CSMD1: variants seen among roughly 807,000 people sequenced by gnomAD.
CSMD1 encodes CUB and sushi domain-containing protein 1.
In CSMD1, 213 loss-of-function variants were observed where a neutral mutation model predicts 417.5. The observed-to-expected ratio is 0.51, with a 90% CI of 0.46 to 0.57. The LOEUF (loss-of-function observed/expected upper bound fraction) is 0.57, where lower values mean the gene tolerates loss of function less well. CSMD1 is among the 20% of genes least tolerant of loss of function. CSMD1 has a pLI of 0.00. For synonymous variants in CSMD1, 2,862 were observed against 1,736.8 expected (o/e 1.65, Z -16.11); for missense variants, 6,923 against 4,529.7 (o/e 1.53, Z -15.17).
At chr8:3,949,459 C>T (rs1180404672) in intron 5 of CSMD1, among the ~76,000 whole-genome samples, 1 of 152,140 alleles carries the variant, frequency 6.6e-6, no homozygotes, top group Non-Finnish European at 1.5e-5. Flanking sequence ...GAAAAGGATA[C>T]ATTTTAAGCA....
At position 4,627,256 on chromosome 8, in the gene CSMD1, G is replaced by A. The variant is rs192219267; in HGVS notation, c.302+10086C>T. Among the ~76,000 whole-genome samples the A allele has an allele frequency of 5.9e-5, 9 of 152,158 alleles. 2 individuals carry two copies. Among genetic ancestry groups the A allele is most frequent in the African/African-American group, 2.2e-4 (9 of 41,522 alleles). On this transcript the variant is annotated intron_variant, in intron 2 of 69. Transcript: ENST00000635120. ...CAGTCACTTGAAATGGGCAGGATGG[G>A]GGAAAGAAGAAAAAGTAAATCTTAA...
chr8:3,684,525 C>A (rs1036337153), intron 7 of CSMD1, among the ~76,000 whole-genome samples: 1 of 150,924 alleles, frequency 6.6e-6, no homozygotes, highest in East Asian at 1.9e-4. Context: ...TTTTTACTGG[C>A]CATCTAGAAA....
chr8:4,721,888 G>C (rs981499581), intron 1 of CSMD1, among the ~76,000 whole-genome samples: 7 of 152,132 alleles, frequency 4.6e-5, no homozygotes, highest in Non-Finnish European at 1.0e-4. Context: ...GGATGAAACT[G>C]AAGGGCATTA....
intron 5 of CSMD1, among the ~76,000 whole-genome samples, chr8:3,757,300 G>A (rs1425528571): frequency 1.3e-5 from 2 of 152,164 alleles, no homozygotes; most frequent in Admixed American, 6.5e-5. Context: ...CAGGCTTTAT[G>A]GGTCACATGG....
intron 3 of CSMD1, among the ~76,000 whole-genome samples, chr8:4,139,945 G>A (rs1035554262): frequency 4.8e-5 from 7 of 146,426 alleles, no homozygotes; most frequent in Non-Finnish European, 9.1e-5. Flanking sequence ...AGTGTGGATG[G>A]CAGCAAGGGC....
intron 3 of CSMD1, among the ~76,000 whole-genome samples, chr8:4,284,038 G>A (rs1796928562): frequency 6.6e-6 from 1 of 152,094 alleles, no homozygotes; most frequent in South Asian, 2.1e-4. Context: ...TTCGAAACCA[G>A]GCTGGCCATC....
At chr8:3,344,678 A>G (rs987529300) in intron 22 of CSMD1, among the ~76,000 whole-genome samples, 1 of 152,136 alleles carries the variant, frequency 6.6e-6, no homozygotes, top group African/African-American at 2.4e-5. Context: ...GGCTCTTCCA[A>G]TGTGTTTGTC....
Position 3,652,909 on chromosome 8 carries a change from C to T in CSMD1, c.1010-36112G>A, listed in dbSNP as rs538268787. On this transcript the variant is annotated intron_variant, in intron 7 of 69. Coordinates refer to ENST00000635120, the MANE Select transcript of CSMD1 (RefSeq NM_033225.6). ...AATACATATTTAATGAATGAATAAA[C>T]GAATGAATAAATGAACACCACTAAA... is the stretch of plus-strand genomic sequence containing the variant. 1.1e-4 allele frequency among the ~76,000 whole-genome samples: 17 copies of T among 152,258 alleles called. No homozygotes were observed. The South Asian group carries it at 1.2e-3, about 11-fold the overall frequency.
In CSMD1 at chr8:3,106,944, A is replaced by G. The variant is rs1195190614; in HGVS notation, c.6836-303T>C. On this transcript the variant is annotated intron_variant, in intron 45 of 69. Transcript: ENST00000635120. ...TTGCTGACGAAAAGAAAAAAAAAGT[A>G]AAGTAGAAGCTATGGTTTAAGCAAG... The G allele has an allele frequency of 1.6e-5, 4 of 244,762 alleles. No individual in the cohort carries two copies. In the East Asian group the frequency reaches 2.8e-4, roughly 17 times the overall value. 15.2% of individuals were successfully genotyped at this position (244,762 alleles called of 1,614,324 possible).
At chr8:3,151,579 C>T (rs1819199255) in intron 39 of CSMD1, 66 bp from the exon 40 acceptor site, 6 of 980,486 alleles carry the variant, frequency 6.1e-6, no homozygotes, top group Non-Finnish European at 9.5e-6. Flanking sequence ...TTGCTCCAAC[C>T]TGCTTCACTC....
chr8:4,804,528 T>TGA (rs138277396), intron 1 of CSMD1, among the ~76,000 whole-genome samples: 17 of 141,046 alleles, frequency 1.2e-4, no homozygotes, highest in East Asian at 4.1e-4. Context: ...AGAATGGACG[T>TGA]GAGAGAGAGA....
At chr8:3,954,036 G>T (rs998746730) in intron 5 of CSMD1, among the ~76,000 whole-genome samples, 1 of 152,154 alleles carries the variant, frequency 6.6e-6, no homozygotes, top group Non-Finnish European at 1.5e-5. Flanking sequence ...GGTGAGCGGG[G>T]CACATGCTTG....
intron 1 of CSMD1, among the ~76,000 whole-genome samples, chr8:4,869,508 T>G (rs1279657567): frequency 6.6e-6 from 1 of 152,102 alleles, no homozygotes; most frequent in East Asian, 1.9e-4. Context: ...CTCAAGGTAG[T>G]TGATATCTAG....
chr8:3,063,119 CAGA>C (rs1204553528), intron 49 of CSMD1, among the ~76,000 whole-genome samples: 4 of 152,070 alleles, frequency 2.6e-5, no homozygotes, highest in Non-Finnish European at 5.9e-5. Context: ...TAAAAACTTA[CAGA>C]AGGATTTTAT....
intron 4 of CSMD1, among the ~76,000 whole-genome samples, chr8:4,027,003 G>A (rs1173702945): frequency 6.6e-6 from 1 of 152,192 alleles, no homozygotes; most frequent in Admixed American, 6.5e-5. Flanking sequence ...CACTATGACA[G>A]ATAATAAGCT....
chr8:4,424,491 C>A (rs111375359), intron 2 of CSMD1, among the ~76,000 whole-genome samples: 28 of 151,954 alleles, frequency 1.8e-4, no homozygotes, highest in African/African-American at 6.5e-4. Flanking sequence ...CAGAGAAATA[C>A]CGCACATGAT....
intron 5 of CSMD1, among the ~76,000 whole-genome samples, chr8:3,850,148 T>C (rs1478956982): frequency 1.3e-5 from 2 of 152,214 alleles, no homozygotes; most frequent in African/African-American, 4.8e-5. Context: ...TTAGGGCATA[T>C]CCCTTATGAA....
chr8:4,905,634 A>G (rs932059169), intron 1 of CSMD1, among the ~76,000 whole-genome samples: 4 of 151,714 alleles, frequency 2.6e-5, no homozygotes, highest in African/African-American at 7.3e-5. Context: ...CCTGGCTAAC[A>G]CGGTGAAACC....
At chr8:3,937,155 C>G (rs1158665645) in intron 5 of CSMD1, among the ~76,000 whole-genome samples, 1 of 152,102 alleles carries the variant, frequency 6.6e-6, no homozygotes, top group Non-Finnish European at 1.5e-5. Flanking sequence ...AAAGTGGTTT[C>G]TTTAGATGAA....
Sources: allele counts gnomAD v4.1 joint callset (sites outside exome capture counted in the v4.1 genomes callset), GRCh38; gene constraint gnomAD v4.1.1; transcripts MANE v1.5; gene names NCBI Gene and HGNC (gene_info 2026-07-23, HGNC 2026-07-21).